Variants in TOP2A observed in about 807,000 individuals in gnomAD.
The protein encoded by TOP2A is DNA topoisomerase 2-alpha.
Under a neutral mutation model 187.2 loss-of-function variants are expected in TOP2A, and 68 were observed. The observed-to-expected ratio is 0.36, with a 90% CI of 0.30 to 0.44. The LOEUF is 0.44. TOP2A is among the 20% of genes least tolerant of loss of function. The probability of loss-of-function intolerance (pLI) is 1.00; values close to 1 mark genes in which losing one functional copy is unlikely to be tolerated. For missense variants in TOP2A, 1,196 were observed against 1,808.7 expected (o/e 0.66, Z 6.14); for synonymous variants, 542 against 593.2 (o/e 0.91, Z 1.25).
chr17:40,389,645 T>G lies in TOP2A; in HGVS notation c.4470A>C (p.Lys1490Asn), dbSNP rs1047406616. ...KIVSKAVTSK[K>N]SKGESDDFHM... ...GGAAGTCATCACTCTCCCCCTTGGA[T>G]TTCTAAAAGAGAAAAGCCCAGGTAA... is the stretch of plus-strand genomic sequence containing the variant. The change falls in exon 35 of 35, where the codon AAA becomes AAC. Residue 1490 changes from lysine to asparagine, a missense_variant and splice_region_variant. Transcript: ENST00000423485. The G allele has an allele frequency of 6.2e-7, 1 of 1,607,966 alleles. No homozygotes were observed. The highest frequency in any genetic ancestry group is 1.3e-5 in the African/African-American group (1 of 74,750).
At chr17:40,408,957 G>A (rs1005007554) in intron 10 of TOP2A, 1 of 449,528 alleles carries the variant, frequency 2.2e-6, no homozygotes, top group South Asian at 1.6e-5. Flanking sequence ...CACTTTAGGA[G>A]GCCAAGGTGG....
At chr17:40,417,686 C>T (rs909252279) in intron 1 of TOP2A, 85 bp downstream of exon 1, 7 of 1,598,936 alleles carry the variant, frequency 4.4e-6, no homozygotes, top group Non-Finnish European at 6.0e-6. Flanking sequence ...TGACCGCAGC[C>T]CCAGAGCTTC....
At position 40,411,722 on chromosome 17, in the gene TOP2A, T is replaced by G; in HGVS notation, c.886A>C (p.Arg296=). ...CTCATAGTTAAACACACTTCCCACC[T>G]GTGGTTTACTTGTTCATGTATTACT... The part of the protein sequence containing the change: ...LKVIHEQVNH[R]WEVCLTMSEK... The change falls in exon 8 of 35, where the codon AGG becomes CGG. Residue 296 remains arginine, a synonymous_variant. Coordinates refer to ENST00000423485, the MANE Select transcript of TOP2A (RefSeq NM_001067.4). This position sits in a 1 kb window ranked among gnomAD's most constrained non-coding sequence, Gnocchi z 4.4. The G allele has an allele frequency of 6.2e-7, 1 of 1,613,324 alleles. No homozygotes were observed. Among genetic ancestry groups the G allele is most frequent in the Non-Finnish European group, 8.5e-7 (1 of 1,179,684 alleles).
intron 10 of TOP2A, chr17:40,409,379 A>C: frequency 2.4e-6 from 1 of 419,980 alleles, no homozygotes; most frequent in Non-Finnish European, 4.7e-6. Context: ...GTCTCCAAAA[A>C]AAAAAATTAA....
chr17:40,401,363 G>A (rs2035178216), intron 20 of TOP2A, among the ~76,000 whole-genome samples: 1 of 152,138 alleles, frequency 6.6e-6, no homozygotes, highest in Non-Finnish European at 1.5e-5. Flanking sequence ...TGACTGAAGA[G>A]GTGCTAAGGA....
At position 40,412,983 on chromosome 17, in the gene TOP2A, AAGAAT is replaced by A. The variant is rs1442789724; in HGVS notation, c.577-17_577-13del. 1.3e-6 allele frequency: 2 copies of A among 1,590,180 alleles called. No individual in the cohort carries two copies. Among genetic ancestry groups the A allele is most frequent in the Non-Finnish European group, 1.7e-6 (2 of 1,167,564 alleles). On this transcript the variant is annotated splice_polypyrimidine_tract_variant and intron_variant, in intron 6 of 34. Coordinates refer to ENST00000423485, the MANE Select transcript of TOP2A (RefSeq NM_001067.4). ...TTATCCATCCATGTCTATGGAAGTA[AAGAAT>A]AGGAAACATGAAAAATTCAAGTCAT...
rs2035343164 is a variant in TOP2A, at chr17:40,413,043, T to G, written c.577-72A>C. 7 of 1,364,676 alleles carry G rather than the reference T, an allele frequency of 5.1e-6. No homozygotes were observed. In the Admixed American group the frequency reaches 1.3e-4, roughly 25 times the overall value. The allele number at this position is 1,364,676 out of a possible 1,614,324, so 84.5% of individuals were successfully genotyped here. A position where few individuals can be genotyped will look rare whatever the true frequency, so the allele number is the denominator to read the frequency against. On this transcript the variant is annotated intron_variant, in intron 6 of 34. Coordinates refer to ENST00000423485, the MANE Select transcript of TOP2A (RefSeq NM_001067.4). ...CAAACTGGAAGTAAATAACATAAATTTATGAGTCCTAATAACCTAATATAT... is the reference window on the plus strand; with the variant it reads ...CAAACTGGAAGTAAATAACATAAATGTATGAGTCCTAATAACCTAATATAT...
chr17:40,407,003 T>A (rs969742672), intron 13 of TOP2A, 61 bp from the exon 14 acceptor site: 2 of 1,349,570 alleles, frequency 1.5e-6, no homozygotes, highest in East Asian at 2.5e-5. Flanking sequence ...GTAGCTAACA[T>A]CTGTAATCCC....
chr17:40,390,225 A>G (rs897993553), intron 33 of TOP2A, 61 bp from the exon 34 acceptor site: 38 of 1,473,234 alleles, frequency 2.6e-5, no homozygotes, highest in East Asian at 4.8e-5. Context: ...GTCTCACTCT[A>G]TCGTCCAGGC....
At position 40,411,332 on chromosome 17, in the gene TOP2A, G is replaced by A. The variant is rs2143680472; in HGVS notation, c.1065+22C>T. 6.2e-7 allele frequency: 1 copy of A among 1,612,824 alleles called. No individual in the cohort carries two copies. Among genetic ancestry groups the A allele is most frequent in the Middle Eastern group, 1.7e-4 (1 of 6,054 alleles). On this transcript the variant is annotated intron_variant, in intron 9 of 34. Coordinates refer to ENST00000423485, the MANE Select transcript of TOP2A (RefSeq NM_001067.4). The surrounding 1 kb of genome is among the most constrained non-coding windows in gnomAD (Gnocchi z 4.4). ...CTCTTCTTCCTTGACTTTAGAAAAA[G>A]AAAACTGCCAAAAGCACATACCTGA...
At chr17:40,393,014 TG>T (rs1238743709) in intron 29 of TOP2A, among the ~76,000 whole-genome samples, 2 of 152,048 alleles carry the variant, frequency 1.3e-5, no homozygotes, top group East Asian at 1.9e-4. Flanking sequence ...TGAGATCAGC[TG>T]GGGTAAGATA....
intron 18 of TOP2A, 46 bp from the exon 19 acceptor site, chr17:40,404,319 A>G: frequency 6.2e-7 from 1 of 1,608,542 alleles, no homozygotes; most frequent in Non-Finnish European, 8.5e-7. Context: ...CAATTTAACC[A>G]ATTTTGGAAT....
At chr17:40,399,223 A>G in intron 24 of TOP2A, 92 bp from the exon 25 acceptor site, 1 of 885,532 alleles carries the variant, frequency 1.1e-6, no homozygotes, top group Admixed American at 2.4e-5. Flanking sequence ...TTAAAACTGG[A>G]AATTAAACTG....
intron 29 of TOP2A, among the ~76,000 whole-genome samples, chr17:40,394,335 CTTTATT>C (rs1425211763): frequency 1.3e-5 from 2 of 152,038 alleles, no homozygotes; most frequent in African/African-American, 4.8e-5. Context: ...GAATGGCATA[CTTTATT>C]TTTATTTTTG....
chr17:40,407,016 A>C (rs1598616075), intron 13 of TOP2A, 74 bp from the exon 14 acceptor site: 1 of 1,253,360 alleles, frequency 8.0e-7, no homozygotes, highest in South Asian at 1.3e-5. Context: ...GTAATCCCAG[A>C]ACTTTGGGAG....
At chr17:40,406,126 C>G (rs2035241351) in intron 16 of TOP2A, among the ~76,000 whole-genome samples, 1 of 152,148 alleles carries the variant, frequency 6.6e-6, no homozygotes, top group Non-Finnish European at 1.5e-5. Flanking sequence ...GTCTCCAACT[C>G]TTGATCTCAG....
Position 40,413,626 on chromosome 17 carries a change from C to T in TOP2A, c.333-1G>A. ...CCATATACTAATTAAATTGTTTTCC[C>T]TAAGAAAAAAAGATTGAAAATTGTA... On this transcript the variant is annotated splice_acceptor_variant, in intron 4 of 34. Transcript: ENST00000423485. LOFTEE classifies it high-confidence loss of function. The T allele has an allele frequency of 7.7e-7, 1 of 1,304,368 alleles. No homozygotes were observed. The highest frequency in any genetic ancestry group is 1.0e-6 in the Non-Finnish European group (1 of 963,756). 80.8% of individuals were successfully genotyped at this position (1,304,368 alleles called of 1,614,324 possible).
Position 40,400,936 on chromosome 17 carries a change from A to G in TOP2A, c.2578T>C (p.Trp860Arg). The change falls in exon 21 of 35, where the codon TGG (tryptophan) becomes CGG (arginine). Residue 860 changes from tryptophan (W) to arginine (R), a missense_variant. By Grantham distance (101) the Trp-to-Arg change is moderately radical. Coordinates refer to ENST00000423485, the MANE Select transcript of TOP2A (RefSeq NM_001067.4). ...INGAEGIGTGWSCKIPNFDVR... is the reference protein window; with the variant it reads ...INGAEGIGTGRSCKIPNFDVR... ...TCAAAGTTGGGGATTTTGCAGGACCACCCAGTACCGATTCCTTCAGCACCA... is the reference window on the plus strand; with the variant it reads ...TCAAAGTTGGGGATTTTGCAGGACCGCCCAGTACCGATTCCTTCAGCACCA... 1 of 1,613,960 alleles carries G rather than the reference A, an allele frequency of 6.2e-7. No individual in the cohort carries two copies. The highest frequency in any genetic ancestry group is 8.5e-7 in the Non-Finnish European group (1 of 1,179,890).
intron 1 of TOP2A, among the ~76,000 whole-genome samples, chr17:40,417,272 G>A (rs912429591): frequency 6.6e-6 from 1 of 152,120 alleles, no homozygotes; most frequent in Non-Finnish European, 1.5e-5. Context: ...AATAATTCTA[G>A]TTCGGCAGCA....
Sources: allele counts gnomAD v4.1 joint callset (sites outside exome capture counted in the v4.1 genomes callset), GRCh38; gene constraint gnomAD v4.1.1; non-coding constraint Gnocchi (gnomAD v3.1); transcripts MANE v1.5; gene names NCBI Gene and HGNC (gene_info 2026-07-23, HGNC 2026-07-21).